MYO7A: variants seen among roughly 807,000 people sequenced by gnomAD.
The protein encoded by MYO7A is unconventional myosin-VIIa.
Under a neutral mutation model 263.8 loss-of-function variants are expected in MYO7A, and 210 were observed. That is an observed-to-expected ratio of 0.80 (90% confidence interval 0.71 to 0.89). The LOEUF is 0.89. Ranked by LOEUF, MYO7A falls within the 40% of genes least tolerant of loss-of-function variation. MYO7A has a pLI of 0.00. For synonymous variants in MYO7A, 1,239 were observed against 1,197.3 expected (o/e 1.03, Z -0.72); for missense variants, 2,820 against 2,968.3 (o/e 0.95, Z 1.16).
intron 27 of MYO7A, among the ~76,000 whole-genome samples, chr11:77,187,533 C>T (rs1264615459): frequency 6.6e-6 from 1 of 152,208 alleles, no homozygotes; most frequent in African/African-American, 2.4e-5. Flanking sequence ...CACCTCCAGT[C>T]ACCCACCCTA....
intron 8 of MYO7A, 87 bp from the exon 9 acceptor site, chr11:77,158,190 G>A: frequency 1.4e-6 from 2 of 1,417,338 alleles, no homozygotes; most frequent in Non-Finnish European, 1.9e-6. Flanking sequence ...CAGGCAGAAA[G>A]GGCCTTTTGG....
At chr11:77,135,031 C>T (rs187889802) in intron 2 of MYO7A, among the ~76,000 whole-genome samples, 184 of 152,078 alleles carry the variant, frequency 1.2e-3, no homozygotes, top group Non-Finnish European at 1.9e-3. Context: ...GTGATCTGCC[C>T]GCCTCAGCCT....
In MYO7A at chr11:77,159,637, G is replaced by C. The variant is rs1952808112; in HGVS notation, c.1080+114G>C. ...CATTGCTGGGACCCTCTGGTTTGGA[G>C]AGTTCTGTTCAATATGGAGAAGCAA... On this transcript the variant is annotated intron_variant, in intron 10 of 48. Transcript: ENST00000409709. 8 of 1,097,428 alleles carry C rather than the reference G, an allele frequency of 7.3e-6. No individual in the cohort carries two copies. In the Middle Eastern group the frequency reaches 1.2e-3, roughly 169 times the overall value. 68.0% of individuals were successfully genotyped at this position (1,097,428 alleles called of 1,614,324 possible).
intron 44 of MYO7A, chr11:77,209,149 C>A (rs1353034072): frequency 4.1e-6 from 1 of 242,874 alleles, no homozygotes; most frequent in South Asian, 8.4e-5. Context: ...AGCATAGGCA[C>A]CTGCAGGAAG....
Position 77,174,860 on chromosome 11 carries a change from G to A in MYO7A, c.2040G>A (p.Glu680=), listed in dbSNP as rs1555079061. 5 of 1,613,764 alleles carry A rather than the reference G, an allele frequency of 3.1e-6. No homozygotes were observed. Among genetic ancestry groups the A allele is most frequent in the Middle Eastern group, 1.6e-4 (1 of 6,062 alleles). ...AGYPIRYSFV[E]FVERYRVLLP... ...ACCCCATCCGCTACAGCTTCGTAGA[G>A]TTTGTGGAGCGGTACCGTGTGCTGC... Residue 680 remains glutamate, a synonymous_variant, in exon 17 of 49, where the codon GAG becomes GAA. Coordinates refer to ENST00000409709, the MANE Select transcript of MYO7A (RefSeq NM_000260.4).
At chr11:77,208,585 G>A (rs1161306867) in intron 43 of MYO7A, 68 bp downstream of exon 43, 18 of 1,530,672 alleles carry the variant, frequency 1.2e-5, no homozygotes, top group South Asian at 1.2e-5. Flanking sequence ...GGGCTGTGCC[G>A]TGAGGCCCAC....
intron 7 of MYO7A, 35 bp downstream of exon 7, chr11:77,157,039 C>T: frequency 1.9e-6 from 3 of 1,602,276 alleles, no homozygotes; most frequent in Non-Finnish European, 2.6e-6. Context: ...GGAATAGACC[C>T]AGGCCCCTGG....
chr11:77,163,602 G>A (rs4945153), intron 14 of MYO7A, among the ~76,000 whole-genome samples: 60,622 of 152,026 alleles, frequency 0.4, 12,486 homozygotes, highest in African/African-American at 0.47. Flanking sequence ...GTAAAAATAC[G>A]TCATTACCAT....
rs1555085625 is a variant in MYO7A, at chr11:77,182,617, C to T, written c.3285+17C>T. On this transcript the variant is annotated intron_variant, in intron 25 of 48. Coordinates refer to ENST00000409709, the MANE Select transcript of MYO7A (RefSeq NM_000260.4). ...GAGGGCGAGGTGAGGCCAAGGTGCC[C>T]TCTGGATGATGTCCCTCCCAGGCCG... is the stretch of plus-strand genomic sequence containing the variant. 1.2e-6 allele frequency: 2 copies of T among 1,612,474 alleles called. No homozygotes were observed. The highest frequency in any genetic ancestry group is 1.1e-5 in the South Asian group (1 of 90,990).
chr11:77,153,302 G>A (rs569259724), intron 4 of MYO7A, among the ~76,000 whole-genome samples: 3 of 152,254 alleles, frequency 2.0e-5, no homozygotes, highest in African/African-American at 7.2e-5. Context: ...GGTGAGGGAT[G>A]TGATGGTGCT....
chr11:77,192,971 G>T (rs1374801516), intron 31 of MYO7A, among the ~76,000 whole-genome samples: 2 of 17,804 alleles, frequency 1.1e-4, no homozygotes, highest in Non-Finnish European at 2.0e-4. Flanking sequence ...GGTGATGGTG[G>T]AGGTAGTTGT....
At chr11:77,152,459 G>C (rs111300741) in intron 4 of MYO7A, among the ~76,000 whole-genome samples, 1,886 of 152,322 alleles carry the variant, frequency 0.012, 39 homozygotes, top group African/African-American at 0.044. Context: ...TCTGCCACCA[G>C]AGCAGGGTGA....
chr11:77,202,712 C>T (rs1957152585), intron 37 of MYO7A, among the ~76,000 whole-genome samples: 1 of 151,468 alleles, frequency 6.6e-6, no homozygotes, highest in Admixed American at 6.6e-5. Flanking sequence ...TTCGGCGTGC[C>T]CAGCACTGTG....
At chr11:77,180,884 G>T (rs1374785213) in intron 22 of MYO7A, among the ~76,000 whole-genome samples, 1 of 152,196 alleles carries the variant, frequency 6.6e-6, no homozygotes, top group East Asian at 1.9e-4. Context: ...ACTAGATTTT[G>T]AAGATTTGGT....
At chr11:77,177,309 A>G (rs1291284183) in intron 18 of MYO7A, among the ~76,000 whole-genome samples, 12 of 152,116 alleles carry the variant, frequency 7.9e-5, no homozygotes, top group Admixed American at 5.2e-4. Context: ...CCATCCAGAG[A>G]GATTAGGCAC....
rs1555054731 is a variant in MYO7A, at chr11:77,147,861, G to A, written c.196G>A (p.Gly66Ser). The change falls in exon 4 of 49, where the codon GGC becomes AGC. Residue 66 changes from glycine to serine, a missense_variant. Gly to Ser is a moderately conservative substitution (Grantham distance 56). Coordinates refer to ENST00000409709, the MANE Select transcript of MYO7A (RefSeq NM_000260.4). ...GCCTATGCACCCCACGTCGGTCCACGGCGTGGAGGACATGATCCGCCTGGG... is the reference window on the plus strand; with the variant it reads ...GCCTATGCACCCCACGTCGGTCCACAGCGTGGAGGACATGATCCGCCTGGG... ...IKPMHPTSVHGVEDMIRLGDL... is the reference protein window; with the variant it reads ...IKPMHPTSVHSVEDMIRLGDL... The A allele has an allele frequency of 6.2e-7, 1 of 1,607,438 alleles. No homozygotes were observed. The highest frequency in any genetic ancestry group is 1.3e-5 in the African/African-American group (1 of 74,800).
At chr11:77,158,087 C>T (rs1224620861) in intron 8 of MYO7A, among the ~76,000 whole-genome samples, 190 bp from the exon 9 acceptor site, 1 of 152,164 alleles carries the variant, frequency 6.6e-6, no homozygotes. Context: ...TCCTGGGAAG[C>T]CCAGGCTTTC....
At chr11:77,186,866 G>A (rs1443683945) in intron 27 of MYO7A, among the ~76,000 whole-genome samples, 6 of 152,136 alleles carry the variant, frequency 3.9e-5, no homozygotes, top group Admixed American at 3.3e-4. Flanking sequence ...GGTCTATCTC[G>A]GCTTTCAACA....
Position 77,192,926 on chromosome 11 carries a change from G to A in MYO7A, c.4152+648G>A, listed in dbSNP as rs61900013. The stretch of plus-strand genomic sequence containing the variant: ...TTGGTGATGGTGGAGGGTAGTGATG[G>A]TGTTGTTTGTGATGGTGGAGGTAGT... On this transcript the variant is annotated intron_variant, in intron 31 of 48. Coordinates refer to ENST00000409709, the MANE Select transcript of MYO7A (RefSeq NM_000260.4). 5.4e-4 allele frequency among the ~76,000 whole-genome samples: 2 copies of A among 3,728 alleles called. 1 individual carries two copies. The highest frequency in any genetic ancestry group is 0.014 in the East Asian group (2 of 138). 2.4% of individuals were successfully genotyped at this position (3,728 alleles called of 152,430 possible).
Sources: gnomAD v4.1 joint callset for allele counts (sites outside exome capture counted in the v4.1 genomes callset) on GRCh38, gnomAD v4.1.1 for gene constraint, MANE v1.5 for transcripts, NCBI Gene and HGNC (gene_info 2026-07-23, HGNC 2026-07-21) for gene names.